Variants in EIF2AK4 observed in about 807,000 individuals in gnomAD.
EIF2AK4 encodes eIF-2-alpha kinase GCN2.
A neutral mutation model predicts 211.1 loss-of-function variants in EIF2AK4; 139 were observed. That is an observed-to-expected ratio of 0.66 (90% CI 0.57 to 0.76). The LOEUF (loss-of-function observed/expected upper bound fraction) is 0.76. Among genes scored for constraint, EIF2AK4 ranks in the 30% least tolerant of loss-of-function variants. The pLI is 0.00. For synonymous variants in EIF2AK4, 710 were observed against 751.3 expected, an observed-to-expected ratio of 0.94 and a Z score of 0.90; for missense variants, 1,664 against 2,043.8, an observed-to-expected ratio of 0.81 and a Z score of 3.58.
intron 33 of EIF2AK4, among the ~76,000 whole-genome samples, chr15:40,028,663 T>C (rs369967630): frequency 6.6e-6 from 1 of 152,232 alleles, no homozygotes; most frequent in African/African-American, 2.4e-5. Context: ...TATTTGCACC[T>C]AGCCTTAATA....
At position 39,995,133 on chromosome 15, in the gene EIF2AK4, C is replaced by T. The variant is rs560516838; in HGVS notation, c.2767-1831C>T. On this transcript the variant is annotated intron_variant, in intron 18 of 38. Coordinates refer to ENST00000263791, the MANE Select transcript of EIF2AK4 (RefSeq NM_001013703.4). ...CTGGGATTACAGGCATGAGCCACTGCACCTGGCCGTATATACATATTTTTT... is the reference window on the plus strand; with the variant it reads ...CTGGGATTACAGGCATGAGCCACTGTACCTGGCCGTATATACATATTTTTT... 1.3e-3 allele frequency among the ~76,000 whole-genome samples: 193 copies of T among 152,256 alleles called. 1 individual carries two copies. Among genetic ancestry groups the T allele is most frequent in the African/African-American group, 4.6e-3 (191 of 41,546 alleles).
intron 16 of EIF2AK4, 157 bp from the exon 17 acceptor site, chr15:39,992,018 G>A (rs1010919325): frequency 1.6e-6 from 1 of 627,712 alleles, no homozygotes; most frequent in Non-Finnish European, 2.6e-6. Context: ...GCATTAGTGG[G>A]TTAACTAAAC....
chr15:40,034,797 A>G (rs953286288), intron 38 of EIF2AK4, among the ~76,000 whole-genome samples: 10 of 152,224 alleles, frequency 6.6e-5, no homozygotes, highest in African/African-American at 2.4e-4. Flanking sequence ...CATACACTTA[A>G]AAGGCAACAA....
intron 18 of EIF2AK4, among the ~76,000 whole-genome samples, chr15:39,996,377 A>G (rs1014420677): frequency 6.6e-6 from 1 of 152,154 alleles, no homozygotes; most frequent in African/African-American, 2.4e-5. Flanking sequence ...GTGGTTTTCT[A>G]TGTCTGTGGA....
chr15:39,949,385 T>G (rs938900714), intron 4 of EIF2AK4, 117 bp downstream of exon 4: 1 of 1,416,928 alleles, frequency 7.1e-7, no homozygotes, highest in African/African-American at 1.4e-5. Context: ...AGCCTTTGAT[T>G]CAAGAAAGGT....
In EIF2AK4 at chr15:40,016,599, A is replaced by T. The variant is rs759128785; in HGVS notation, c.3857A>T (p.Gln1286Leu). 130 of 1,614,124 alleles carry T rather than the reference A, an allele frequency of 8.1e-5. 1 individual carries two copies. In the Admixed American group the frequency reaches 2.1e-3, roughly 27 times the overall value. Residue 1286 changes from glutamine (Q) to leucine (L), a missense_variant, in exon 28 of 39, where the codon CAG (glutamine) becomes CTG (leucine). Gln to Leu is a moderately radical substitution (Grantham distance 113, BLOSUM62 -2). Transcript: ENST00000263791. ...SLIKQKTGIA[Q>L]LVKYGLKDLE... ...ATAAAACAGAAAACAGGTATTGCAC[A>T]GTTGGTGAAGTATGGCTTAAAAGAC...
At chr15:40,028,734 T>TA (rs2035499350) in intron 33 of EIF2AK4, among the ~76,000 whole-genome samples, 1 of 152,188 alleles carries the variant, frequency 6.6e-6, no homozygotes, top group Non-Finnish European at 1.5e-5. Context: ...GTATTGGAAT[T>TA]ATAGATCTAA....
intron 14 of EIF2AK4, among the ~76,000 whole-genome samples, chr15:39,986,581 C>T (rs994671844): frequency 7.9e-5 from 12 of 152,202 alleles, no homozygotes; most frequent in African/African-American, 2.2e-4. Flanking sequence ...TGGCCGGGCA[C>T]GGTGGCTTAC....
At chr15:40,002,278 G>A (rs2035103437) in intron 21 of EIF2AK4, 1 of 153,406 alleles carries the variant, frequency 6.5e-6, no homozygotes, top group South Asian at 2.1e-4. Context: ...AAAAACAAAT[G>A]AAAAAGAAAG....
At chr15:40,032,563 A>G (rs1247675781) in intron 36 of EIF2AK4, among the ~76,000 whole-genome samples, 194 bp from the exon 37 acceptor site, 3 of 152,156 alleles carry the variant, frequency 2.0e-5, no homozygotes, top group African/African-American at 7.2e-5. Flanking sequence ...AGGGACAGGG[A>G]GTACAGTTTC....
At chr15:39,944,623 C>T (rs544316631) in intron 3 of EIF2AK4, among the ~76,000 whole-genome samples, 4 of 152,020 alleles carry the variant, frequency 2.6e-5, no homozygotes, top group East Asian at 3.9e-4. Context: ...TTAGTAGAGA[C>T]GGGGTTTCAC....
At position 40,019,775 on chromosome 15, in the gene EIF2AK4, A is replaced by G. The variant is rs555912122; in HGVS notation, c.4173+575A>G. Among the ~76,000 whole-genome samples the G allele has an allele frequency of 5.3e-5, 8 of 152,310 alleles. No homozygotes were observed. In the South Asian group the frequency reaches 1.7e-3, roughly 32 times the overall value. On this transcript the variant is annotated intron_variant, in intron 30 of 38. Coordinates refer to ENST00000263791, the MANE Select transcript of EIF2AK4 (RefSeq NM_001013703.4). ...AGGTTGAAGACTTCTGCCTTAGACA[A>G]TTAATTCATCCTTCCCTAGACTCAT...
chr15:39,943,479 T>G lies in EIF2AK4; in HGVS notation c.354T>G (p.Cys118Trp). 6.3e-7 allele frequency: 1 copy of G among 1,579,542 alleles called. No individual in the cohort carries two copies. Among genetic ancestry groups the G allele is most frequent in the East Asian group, 2.3e-5 (1 of 43,078 alleles). ...SRLEELAKKH[C>W]GEVMIFELAY... is the part of the protein sequence containing the mutation. ...TAGAAGAACTGGCCAAGAAACACTGTGGGGAGGTAAGATTTGTTAAACTGG... is the reference window on the plus strand; with the variant it reads ...TAGAAGAACTGGCCAAGAAACACTGGGGGGAGGTAAGATTTGTTAAACTGG... The change falls in exon 3 of 39, where the codon TGT becomes TGG. Residue 118 changes from cysteine (C) to tryptophan (W), a missense_variant. Physicochemically the swap from Cys to Trp is radical, Grantham distance 215. This residue lies in a region of EIF2AK4 where 641 missense variants were observed against 729.6 expected (regional missense o/e 0.88). Coordinates refer to ENST00000263791, the MANE Select transcript of EIF2AK4 (RefSeq NM_001013703.4).
intron 33 of EIF2AK4, among the ~76,000 whole-genome samples, chr15:40,027,454 C>A (rs1037161980): frequency 2.0e-5 from 3 of 152,188 alleles, no homozygotes; most frequent in Admixed American, 2.0e-4. Flanking sequence ...CTTGGAGAAC[C>A]TCATTTCAAA....
At chr15:40,030,795 G>A (rs977876150) in intron 35 of EIF2AK4, among the ~76,000 whole-genome samples, 17 of 152,272 alleles carry the variant, frequency 1.1e-4, no homozygotes, top group African/African-American at 3.6e-4. Flanking sequence ...ACTTAAGGCA[G>A]GCTTCTCATT....
chr15:39,990,450 G>A, intron 16 of EIF2AK4, 73 bp downstream of exon 16: 1 of 1,286,544 alleles, frequency 7.8e-7, no homozygotes, highest in Non-Finnish European at 1.1e-6. Flanking sequence ...AGTGTTAGCG[G>A]ATAGAATAGT....
At chr15:40,016,713 A>G (rs775170636) in intron 28 of EIF2AK4, 41 bp downstream of exon 28, 27 of 1,598,508 alleles carry the variant, frequency 1.7e-5, no homozygotes, top group Non-Finnish European at 2.3e-5. Flanking sequence ...AATGTGTAGC[A>G]TTACTAATAG....
At chr15:39,989,882 G>GA (rs202163620) in intron 15 of EIF2AK4, among the ~76,000 whole-genome samples, 4,388 of 152,206 alleles carry the variant, frequency 0.029, 85 homozygotes, top group Non-Finnish European at 0.043. Context: ...CAAATGCATG[G>GA]AAAAAAGCGA....
chr15:39,947,379 G>A (rs2034243758), intron 3 of EIF2AK4, among the ~76,000 whole-genome samples: 1 of 152,096 alleles, frequency 6.6e-6, no homozygotes, highest in South Asian at 2.1e-4. Flanking sequence ...AAAACAGCTT[G>A]TTCTTAAGCA....
Sources: allele counts gnomAD v4.1 joint callset (sites outside exome capture counted in the v4.1 genomes callset), GRCh38; gene constraint gnomAD v4.1.1; regional missense constraint gnomAD v4.1.1; transcripts MANE v1.5; gene names NCBI Gene and HGNC (gene_info 2026-07-23, HGNC 2026-07-21).